The following SH3KBP1 variants were observed in gnomAD, a reference collection of about 807,000 sequenced individuals.
SH3KBP1 encodes the protein SH3 domain-containing kinase-binding protein 1.
SH3KBP1 carries 8 observed loss-of-function variants against 50.1 expected under a neutral mutation model. That is an observed-to-expected ratio of 0.16 (90% CI 0.09 to 0.29). The LOEUF (loss-of-function observed/expected upper bound fraction) is 0.29, where lower values mean the gene tolerates loss of function less well. SH3KBP1 is among the 10% of genes least tolerant of loss of function. SH3KBP1 has a pLI of 1.00. For synonymous variants in SH3KBP1, 227 were observed against 218.6 expected (o/e 1.04, Z -0.34); for missense variants, 377 against 535.2 (o/e 0.70, Z 2.92).
intron 2 of SH3KBP1, among the ~76,000 whole-genome samples, chrX:19,769,274 C>CT (rs34603545): frequency 9.7e-6 from 1 of 103,412 alleles, no homozygotes; most frequent in East Asian, 3.0e-4. Flanking sequence ...TCTTCTTTTT[C>CT]TTTTTTTTTC....
At chrX:19,828,962 G>A (rs1489261993) in intron 2 of SH3KBP1, among the ~76,000 whole-genome samples, 1 of 110,625 alleles carries the variant, frequency 9.0e-6, no homozygotes, top group Non-Finnish European at 1.9e-5. Context: ...GCGCAAATGA[G>A]GCTTCAGGCA....
chrX:19,642,905 T>A (rs56778263), intron 7 of SH3KBP1, among the ~76,000 whole-genome samples: 2,426 of 111,463 alleles, frequency 0.022, 56 homozygotes, highest in African/African-American at 0.075. Context: ...TCAACATTTT[T>A]AAAATCATCA....
chrX:19,844,101 G>C (rs1424365705), intron 1 of SH3KBP1, among the ~76,000 whole-genome samples: 1 of 111,547 alleles, frequency 9.0e-6, no homozygotes, highest in Non-Finnish European at 1.9e-5. Context: ...CTGTGGCAAG[G>C]GTGAGACGTG....
intron 2 of SH3KBP1, among the ~76,000 whole-genome samples, chrX:19,790,688 C>T (rs745638555): frequency 9.1e-6 from 1 of 110,335 alleles, no homozygotes; most frequent in South Asian, 3.9e-4. Flanking sequence ...AATGAAGAAA[C>T]ATCAGAAAAG....
chrX:19,877,589 A>G (rs1329775647), intron 1 of SH3KBP1, among the ~76,000 whole-genome samples: 1 of 112,098 alleles, frequency 8.9e-6, no homozygotes, highest in Non-Finnish European at 1.9e-5. Context: ...CCAGAGGACC[A>G]GACCTAGAAC....
chrX:19,666,518 T>C (rs2062603714), intron 6 of SH3KBP1, among the ~76,000 whole-genome samples: 1 of 111,113 alleles, frequency 9.0e-6, no homozygotes, highest in South Asian at 3.8e-4. Flanking sequence ...ACATGACTGA[T>C]CAGCTAGTTA....
intron 1 of SH3KBP1, among the ~76,000 whole-genome samples, chrX:19,861,000 G>T (rs779189203): frequency 9.0e-6 from 1 of 111,408 alleles, no homozygotes; most frequent in South Asian, 3.7e-4. Flanking sequence ...ATTATGGGAC[G>T]CTGGGAAAGG....
At chrX:19,590,753 C>T (rs2066719353) in intron 11 of SH3KBP1, among the ~76,000 whole-genome samples, 1 of 106,240 alleles carries the variant, frequency 9.4e-6, no homozygotes, top group Non-Finnish European at 1.9e-5. Context: ...AGCGATCCTT[C>T]CACCTCAGCC....
intron 6 of SH3KBP1, among the ~76,000 whole-genome samples, chrX:19,661,392 G>A (rs1447174587): frequency 9.0e-6 from 1 of 111,244 alleles, no homozygotes; most frequent in Non-Finnish European, 1.9e-5. Context: ...ATAATGCGAA[G>A]TGGAAAAGAT....
chrX:19,827,485 A>G (rs183400655), intron 2 of SH3KBP1, among the ~76,000 whole-genome samples: 6 of 112,154 alleles, frequency 5.3e-5, no homozygotes, highest in Admixed American at 3.8e-4. Flanking sequence ...GAGCAGGCAG[A>G]CACATGCACA....
chrX:19,730,961 C>A (rs1205689425), intron 3 of SH3KBP1, among the ~76,000 whole-genome samples: 1 of 111,629 alleles, frequency 9.0e-6, no homozygotes, highest in African/African-American at 3.3e-5. Flanking sequence ...TTTGGTGAGA[C>A]GGAGATTTAC....
intron 12 of SH3KBP1, among the ~76,000 whole-genome samples, chrX:19,580,787 C>T (rs1355890654): frequency 9.0e-6 from 1 of 110,901 alleles, no homozygotes; most frequent in Non-Finnish European, 1.9e-5. Flanking sequence ...TTGGATGGCT[C>T]CTAGGCCTTC....
intron 2 of SH3KBP1, among the ~76,000 whole-genome samples, chrX:19,819,324 T>C (rs2067451650): frequency 9.0e-6 from 1 of 111,334 alleles, no homozygotes; most frequent in African/African-American, 3.3e-5. Flanking sequence ...GTTTACCCAT[T>C]TTATTGATCT....
At chrX:19,852,199 C>T (rs924215874) in intron 1 of SH3KBP1, among the ~76,000 whole-genome samples, 2 of 111,279 alleles carry the variant, frequency 1.8e-5, no homozygotes, top group African/African-American at 6.5e-5. Context: ...TGCCTAGTTA[C>T]TGAGTCATCC....
At chrX:19,883,197 T>G (rs937791308) in intron 1 of SH3KBP1, among the ~76,000 whole-genome samples, 7 of 112,378 alleles carry the variant, frequency 6.2e-5, no homozygotes, top group Non-Finnish European at 1.3e-4. Context: ...GGAGGTCTGC[T>G]GGAATGAAGC....
chrX:19,555,417 G>T (rs2065458087), intron 13 of SH3KBP1, among the ~76,000 whole-genome samples: 1 of 111,677 alleles, frequency 9.0e-6, no homozygotes, highest in Admixed American at 9.5e-5. Flanking sequence ...TAGGAGCAAT[G>T]GTACCAGTGA....
At chrX:19,873,307 T>TATATAC (rs1569493077) in intron 1 of SH3KBP1, among the ~76,000 whole-genome samples, 1 of 97,648 alleles carries the variant, frequency 1.0e-5, no homozygotes, top group South Asian at 4.2e-4. Context: ...TATATATATA[T>TATATAC]ATATACATAT....
At chrX:19,786,669 C>A (rs1421243033) in intron 2 of SH3KBP1, among the ~76,000 whole-genome samples, 1 of 111,888 alleles carries the variant, frequency 8.9e-6, no homozygotes, top group Non-Finnish European at 1.9e-5. Flanking sequence ...ACAAACATCC[C>A]CACACAGAAT....
intron 2 of SH3KBP1, among the ~76,000 whole-genome samples, chrX:19,764,035 A>AAT (rs2065516326): frequency 9.4e-6 from 1 of 106,530 alleles, no homozygotes; most frequent in Non-Finnish European, 1.9e-5. Flanking sequence ...AAAAAAAAAA[A>AAT]GTACAAAATA....
Sources: allele counts gnomAD v4.1 joint callset (sites outside exome capture counted in the v4.1 genomes callset), GRCh38; gene constraint gnomAD v4.1.1; transcripts MANE v1.5; gene names NCBI Gene and HGNC (gene_info 2026-07-23, HGNC 2026-07-21).